Variants in GTF3C3 observed in about 807,000 individuals in gnomAD.
GTF3C3 encodes general transcription factor 3C polypeptide 3.
Under a neutral mutation model 105.2 loss-of-function variants are expected in GTF3C3, and 75 were observed. That is an observed-to-expected ratio of 0.71 (90% CI 0.59 to 0.86). GTF3C3 has a LOEUF of 0.86. Among genes scored for constraint, GTF3C3 ranks in the 40% least tolerant of loss-of-function variants. The pLI is 0.00. For synonymous variants in GTF3C3, 335 were observed against 370.4 expected, an observed-to-expected ratio of 0.90 and a Z score of 1.10; for missense variants, 856 against 1,076.5, an observed-to-expected ratio of 0.80 and a Z score of 2.87.
At position 196,771,958 on chromosome 2, in the gene GTF3C3, G is replaced by T; in HGVS notation, c.2070-20C>A. ...ATTATCCTAAAATTGCAGGAAGAGG[G>T]TGAGGGAGAAAATAATGTAAAAATC... On this transcript the variant is annotated intron_variant, in intron 14 of 17. Transcript: ENST00000263956. 6.5e-7 allele frequency: 1 copy of T among 1,536,304 alleles called. No individual in the cohort carries two copies. The highest frequency in any genetic ancestry group is 1.1e-5 in the South Asian group (1 of 89,466).
intron 2 of GTF3C3, 144 bp from the exon 3 acceptor site, chr2:196,793,296 A>G: frequency 1.6e-6 from 1 of 614,190 alleles, no homozygotes; most frequent in Non-Finnish European, 2.9e-6. Context: ...CTCAAAAACC[A>G]AACCAAAGAA....
intron 15 of GTF3C3, 67 bp from the exon 16 acceptor site, chr2:196,770,106 T>C: frequency 1.5e-6 from 2 of 1,363,694 alleles, no homozygotes; most frequent in Non-Finnish European, 1.9e-6. Context: ...TCAACACTTT[T>C]AAGGCCAAAC....
At chr2:196,775,291 A>G in intron 12 of GTF3C3, 40 bp from the exon 13 acceptor site, 1 of 1,561,814 alleles carries the variant, frequency 6.4e-7, no homozygotes, top group Non-Finnish European at 8.7e-7. Context: ...TTAAACAATA[A>G]CTGTTTTGTT....
Position 196,773,032 on chromosome 2 carries a change from G to C in GTF3C3, c.1953C>G (p.Ser651=). Residue 651 remains serine (S), a synonymous_variant, in exon 14 of 18, where the codon TCC becomes TCG. Transcript: ENST00000263956. ...CATAAAATGAGTAATATTCCAATGAGGAATCTACAAGCAACTCAGCCTCTT... is the reference window on the plus strand; with the variant it reads ...CATAAAATGAGTAATATTCCAATGACGAATCTACAAGCAACTCAGCCTCTT... ...RFQEAELLVD[S]SLEYYSFYDD... 6.2e-7 allele frequency: 1 copy of C among 1,611,876 alleles called. No homozygotes were observed. Among genetic ancestry groups the C allele is most frequent in the East Asian group, 2.2e-5 (1 of 44,862 alleles).
At chr2:196,765,780 G>A (rs891586196) in intron 17 of GTF3C3, among the ~76,000 whole-genome samples, 2 of 151,812 alleles carry the variant, frequency 1.3e-5, no homozygotes, top group Non-Finnish European at 2.9e-5. Context: ...GGAGGCTGAG[G>A]CGGGCGGATC....
chr2:196,778,708 A>G, intron 10 of GTF3C3, 188 bp downstream of exon 10: 1 of 598,528 alleles, frequency 1.7e-6, no homozygotes, highest in South Asian at 2.0e-5. Context: ...TAAGTAAATC[A>G]TTCCTCCAAA....
intron 16 of GTF3C3, among the ~76,000 whole-genome samples, chr2:196,767,700 CTT>C: frequency 6.6e-6 from 1 of 152,130 alleles, no homozygotes; most frequent in Admixed American, 6.5e-5. Flanking sequence ...ACACAGCTCT[CTT>C]AAGTACCAGC....
At position 196,771,899 on chromosome 2, in the gene GTF3C3, C is replaced by T; in HGVS notation, c.2109G>A (p.Trp703Ter). ...GCATGGTAACTTGATTGAAAATGTTCCAGAGCTGGGGTTTATTGACATTTT... is the reference window on the plus strand; with the variant it reads ...GCATGGTAACTTGATTGAAAATGTTTCAGAGCTGGGGTTTATTGACATTTT... ...VMENVNKPQL[W>*]NIFNQVTMHS... The change falls in exon 15 of 18, where the codon TGG becomes TGA. Residue 703 changes from tryptophan to a stop codon, truncating the protein, a stop_gained. Coordinates refer to ENST00000263956, the MANE Select transcript of GTF3C3 (RefSeq NM_012086.5). LOFTEE classifies it high-confidence loss of function. 1 of 1,613,148 alleles carries T rather than the reference C, an allele frequency of 6.2e-7. No individual in the cohort carries two copies. The highest frequency in any genetic ancestry group is 8.5e-7 in the Non-Finnish European group (1 of 1,179,176).
At chr2:196,784,005 T>A (rs1003816986) in intron 8 of GTF3C3, among the ~76,000 whole-genome samples, 3 of 152,206 alleles carry the variant, frequency 2.0e-5, no homozygotes, top group Non-Finnish European at 2.9e-5. Flanking sequence ...TTAGCACAGA[T>A]TGGCTTGTGT....
chr2:196,774,525 A>AACAAC (rs1434022095), intron 13 of GTF3C3, among the ~76,000 whole-genome samples: 1 of 152,168 alleles, frequency 6.6e-6, no homozygotes, highest in African/African-American at 2.4e-5. Context: ...TACAAAACAA[A>AACAAC]ACAACAAAAC....
At chr2:196,785,640 A>G (rs1477767981) in intron 6 of GTF3C3, 52 bp from the exon 7 acceptor site, 1 of 1,145,798 alleles carries the variant, frequency 8.7e-7, no homozygotes, top group African/African-American at 1.5e-5. Flanking sequence ...CAATTATAAA[A>G]CTCATTTCCT....
chr2:196,789,252 G>C lies in GTF3C3; in HGVS notation c.845C>G (p.Ser282Cys), dbSNP rs1267465295. Residue 282 changes from serine (S) to cysteine (C), a missense_variant, in exon 6 of 18, where the codon TCT (serine) becomes TGT (cysteine). Physicochemically the swap from Ser to Cys is moderately radical, Grantham distance 112. This residue lies in a region of GTF3C3 where 605 missense variants were observed against 833.6 expected (regional missense o/e 0.73). Coordinates refer to ENST00000263956, the MANE Select transcript of GTF3C3 (RefSeq NM_012086.5). ...DGYRRILNLL[S>C]PSDGERFMQL... ...CATAAAACGTTCGCCATCAGATGGA[G>C]ACAAAAGGTTTAAAATACGCCTATA... The C allele has an allele frequency of 6.2e-7, 1 of 1,613,366 alleles. No individual in the cohort carries two copies. Among genetic ancestry groups the C allele is most frequent in the Non-Finnish European group, 8.5e-7 (1 of 1,179,746 alleles).
At position 196,780,610 on chromosome 2, in the gene GTF3C3, T is replaced by G; in HGVS notation, c.1167A>C (p.Thr389=). 6.2e-7 allele frequency: 1 copy of G among 1,613,618 alleles called. No homozygotes were observed. Among genetic ancestry groups the G allele is most frequent in the Non-Finnish European group, 8.5e-7 (1 of 1,179,674 alleles). ...TIPDGVPIDI[T]VKLMVCLVHL... is the part of the protein sequence containing the mutation. The stretch of plus-strand genomic sequence containing the variant: ...GTACAAGGCAGACCATCAACTTCAC[T>G]GTGATATCTATTGGCACGCCATCAG... Residue 389 remains threonine (T), a synonymous_variant, in exon 9 of 18, where the codon ACA becomes ACC. Coordinates refer to ENST00000263956, the MANE Select transcript of GTF3C3 (RefSeq NM_012086.5).
At position 196,791,400 on chromosome 2, in the gene GTF3C3, T is replaced by C; in HGVS notation, c.472A>G (p.Ile158Val). The change falls in exon 4 of 18, where the codon ATT (isoleucine) becomes GTT (valine). Residue 158 changes from isoleucine to valine, a missense_variant. Physicochemically the swap from Ile to Val is conservative, Grantham distance 29 (BLOSUM62 3). Coordinates refer to ENST00000263956, the MANE Select transcript of GTF3C3 (RefSeq NM_012086.5). ...TCACGTTCTCCTCGAGCAAAACGAA[T>C]GTTGGCTTCACCCATGAGACCTCTC... ...ALRGLMGEAN[I>V]RFARGEREEA... 6.2e-7 allele frequency: 1 copy of C among 1,613,986 alleles called. No homozygotes were observed. The highest frequency in any genetic ancestry group is 8.5e-7 in the Non-Finnish European group (1 of 1,179,880).
At chr2:196,788,962 G>A (rs1699500521) in intron 6 of GTF3C3, among the ~76,000 whole-genome samples, 1 of 152,064 alleles carries the variant, frequency 6.6e-6, no homozygotes, top group South Asian at 2.1e-4. Context: ...AGCTATTTGG[G>A]AGGCTGGGTG....
chr2:196,788,203 C>T (rs1699484832), intron 6 of GTF3C3, among the ~76,000 whole-genome samples: 1 of 152,190 alleles, frequency 6.6e-6, no homozygotes, highest in East Asian at 1.9e-4. Context: ...CCTATGTAAC[C>T]CACCCCTGGG....
At chr2:196,791,303 C>T in intron 4 of GTF3C3, 34 bp downstream of exon 4, 1 of 1,609,718 alleles carries the variant, frequency 6.2e-7, no homozygotes, top group Non-Finnish European at 8.5e-7. Context: ...GACTATTAAA[C>T]TGCTATTATT....
intron 8 of GTF3C3, among the ~76,000 whole-genome samples, chr2:196,781,324 G>C (rs1381514886): frequency 2.9e-5 from 2 of 69,780 alleles, no homozygotes; most frequent in African/African-American, 1.2e-4. Context: ...ATGAACTGCA[G>C]ATCAAAAATG....
At chr2:196,783,198 T>TA (rs1302209499) in intron 8 of GTF3C3, among the ~76,000 whole-genome samples, 1 of 117,546 alleles carries the variant, frequency 8.5e-6, no homozygotes, top group East Asian at 2.7e-4. Flanking sequence ...TGCTAAAAAA[T>TA]AAAGAAGCCA....
Sources: gnomAD v4.1 joint callset for allele counts (sites outside exome capture counted in the v4.1 genomes callset) on GRCh38, gnomAD v4.1.1 for gene constraint, gnomAD v4.1.1 regional missense constraint, MANE v1.5 for transcripts, NCBI Gene and HGNC (gene_info 2026-07-23, HGNC 2026-07-21) for gene names.